Variants in ADAMTS18 observed in about 807,000 individuals in gnomAD.
ADAMTS18 encodes ADAM metallopeptidase with thrombospondin type 1 motif 18.
Under a neutral mutation model 165.9 loss-of-function variants are expected in ADAMTS18, and 157 were observed. The observed-to-expected ratio is 0.95, with a 90% CI of 0.83 to 1.08. The LOEUF is 1.08. Ranked by LOEUF, ADAMTS18 falls within the 50% of genes least tolerant of loss-of-function variation. The pLI is 0.00. For missense variants in ADAMTS18, 2,040 were observed against 1,534.0 expected (o/e 1.33, Z -5.51); for synonymous variants, 782 against 578.2 (o/e 1.35, Z -5.06).
chr16:77,362,394 G>A (rs2056728945), intron 6 of ADAMTS18, 130 bp from the exon 7 acceptor site: 5 of 957,402 alleles, frequency 5.2e-6, no homozygotes, highest in African/African-American at 1.6e-5. Flanking sequence ...TTGAGCTAAG[G>A]TAGGAGACAG....
intron 3 of ADAMTS18, among the ~76,000 whole-genome samples, chr16:77,406,901 G>A (rs375954096): frequency 3.4e-4 from 51 of 152,120 alleles, no homozygotes; most frequent in African/African-American, 9.4e-4. Context: ...GGTATATATG[G>A]ATATAAAGTA....
intron 3 of ADAMTS18, among the ~76,000 whole-genome samples, chr16:77,370,245 C>G (rs2056857226): frequency 6.6e-6 from 1 of 151,966 alleles, no homozygotes; most frequent in Admixed American, 6.6e-5. Context: ...AGCAATTAGG[C>G]AAGAGAAAGA....
intron 11 of ADAMTS18, among the ~76,000 whole-genome samples, chr16:77,339,146 A>G (rs1342143395): frequency 3.3e-5 from 5 of 151,046 alleles, no homozygotes; most frequent in Non-Finnish European, 5.9e-5. Context: ...TGAAACAAGT[A>G]AAACCAGGGC....
chr16:77,374,282 A>G (rs1325048729), intron 3 of ADAMTS18, among the ~76,000 whole-genome samples: 1 of 152,138 alleles, frequency 6.6e-6, no homozygotes, highest in Non-Finnish European at 1.5e-5. Flanking sequence ...GGTGATGCTG[A>G]AGGCATGCCA....
intron 13 of ADAMTS18, among the ~76,000 whole-genome samples, chr16:77,324,793 C>T (rs1486463687): frequency 1.3e-5 from 2 of 152,182 alleles, no homozygotes; most frequent in Non-Finnish European, 2.9e-5. Flanking sequence ...TATTCAATAG[C>T]TCTTTGAAGT....
chr16:77,418,594 A>G lies in ADAMTS18; in HGVS notation c.495+12701T>C, dbSNP rs117991614. Among the ~76,000 whole-genome samples the G allele has an allele frequency of 5.1e-3, 777 of 152,332 alleles. 4 individuals are homozygous for G. The highest frequency in any genetic ancestry group is 6.8e-3 in the Middle Eastern group (2 of 294). ...TAGAAAGAATTATCCATTCTAACAC[A>G]TCACCAATGCCCGACTGAGAAACCC... On this transcript the variant is annotated intron_variant, in intron 3 of 22. Coordinates refer to ENST00000282849, the MANE Select transcript of ADAMTS18 (RefSeq NM_199355.4).
rs568228671 is a variant in ADAMTS18, at chr16:77,358,516, C to T, written c.1322+802G>A. ...GGCGGAGGTTGCAGCGAGCCGAGATCGTGCCACTGCACTCCAGCCGGGGCG... is the reference window on the plus strand; with the variant it reads ...GGCGGAGGTTGCAGCGAGCCGAGATTGTGCCACTGCACTCCAGCCGGGGCG... On this transcript the variant is annotated intron_variant, in intron 8 of 22. Coordinates refer to ENST00000282849, the MANE Select transcript of ADAMTS18 (RefSeq NM_199355.4). Among the ~76,000 whole-genome samples the T allele has an allele frequency of 7.2e-5, 11 of 152,156 alleles. No individual in the cohort carries two copies. In the East Asian group the frequency reaches 1.2e-3, roughly 16 times the overall value.
rs769866607 is a variant in ADAMTS18, at chr16:77,367,714, T to C, written c.505A>G (p.Ile169Val). Residue 169 changes from isoleucine (I) to valine (V), a missense_variant, in exon 4 of 23, where the codon ATA (isoleucine) becomes GTA (valine). Coordinates refer to ENST00000282849, the MANE Select transcript of ADAMTS18 (RefSeq NM_199355.4). ...AGGAATTCATTTTTTCGTGTCCTTA[T>C]TAAACCTGACTAAAAAGCCAAACAC... ...VSTCAGLSGL[I>V]RTRKNEFLIS... The C allele has an allele frequency of 3.1e-6, 5 of 1,614,060 alleles. No individual in the cohort carries two copies. In the African/African-American group the frequency reaches 4.0e-5, roughly 13 times the overall value.
At chr16:77,364,737 AAAGAAAGAAAAGAAAAG>A (rs1483756208) in intron 4 of ADAMTS18, among the ~76,000 whole-genome samples, 1 of 125,878 alleles carries the variant, frequency 7.9e-6, no homozygotes, top group East Asian at 3.1e-4. Flanking sequence ...AAAAAAAAAG[AAAGAAAGAAAAGAAAAG>A]AAGAAAGAAA....
At chr16:77,392,867 G>C (rs1039106474) in intron 3 of ADAMTS18, among the ~76,000 whole-genome samples, 1 of 152,120 alleles carries the variant, frequency 6.6e-6, no homozygotes, top group Non-Finnish European at 1.5e-5. Flanking sequence ...AAATGAGAAG[G>C]CGTAAATGGC....
chr16:77,434,383 A>G, intron 2 of ADAMTS18, 35 bp downstream of exon 2: 1 of 1,548,814 alleles, frequency 6.5e-7, no homozygotes, highest in East Asian at 2.4e-5. Flanking sequence ...AGTGCTGCGA[A>G]AGGCCCTTCT....
intron 22 of ADAMTS18, among the ~76,000 whole-genome samples, chr16:77,286,249 A>T (rs2055248499): frequency 6.6e-6 from 1 of 152,152 alleles, no homozygotes; most frequent in Non-Finnish European, 1.5e-5. Context: ...GTGCTAAATA[A>T]TCAAGTGGTC....
chr16:77,337,572 C>G (rs1296002591), intron 11 of ADAMTS18, among the ~76,000 whole-genome samples: 2 of 152,194 alleles, frequency 1.3e-5, no homozygotes, highest in African/African-American at 4.8e-5. Flanking sequence ...AGCCAGAACT[C>G]CTAAGCAGGA....
At chr16:77,385,263 C>A (rs1352831006) in intron 3 of ADAMTS18, among the ~76,000 whole-genome samples, 1 of 152,136 alleles carries the variant, frequency 6.6e-6, no homozygotes, top group East Asian at 1.9e-4. Context: ...AAGTCTAACT[C>A]CTTTGCTATT....
chr16:77,400,933 CA>C (rs142690105), intron 3 of ADAMTS18, among the ~76,000 whole-genome samples: 22,541 of 151,858 alleles, frequency 0.15, 2,375 homozygotes, highest in African/African-American at 0.3. Context: ...TACCTGCACC[CA>C]AAATTCTTAT....
chr16:77,414,111 T>TTTTGGA (rs2057499967), intron 3 of ADAMTS18, among the ~76,000 whole-genome samples: 1 of 152,204 alleles, frequency 6.6e-6, no homozygotes, highest in Non-Finnish European at 1.5e-5. Flanking sequence ...AAGTATATAA[T>TTTTGGA]GGCCAAGTGC....
At chr16:77,382,808 T>C (rs1427278552) in intron 3 of ADAMTS18, among the ~76,000 whole-genome samples, 2 of 152,232 alleles carry the variant, frequency 1.3e-5, no homozygotes, top group Non-Finnish European at 1.5e-5. Flanking sequence ...CATGGGAACA[T>C]GCAGCCAACC....
intron 22 of ADAMTS18, 105 bp from the exon 23 acceptor site, chr16:77,284,176 AGTGGT>A: frequency 2.7e-6 from 2 of 740,066 alleles, no homozygotes; most frequent in Non-Finnish European, 2.3e-6. Context: ...GCTGGAGTGC[AGTGGT>A]GTGGTGTGAT....
intron 10 of ADAMTS18, among the ~76,000 whole-genome samples, chr16:77,345,065 A>AT (rs1188272542): frequency 1.3e-5 from 2 of 152,062 alleles, no homozygotes; most frequent in African/African-American, 2.4e-5. Flanking sequence ...CCTGCATATG[A>AT]TTTTTTTAAA....
Sources: allele counts gnomAD v4.1 joint callset (sites outside exome capture counted in the v4.1 genomes callset), GRCh38; gene constraint gnomAD v4.1.1; transcripts MANE v1.5; gene names NCBI Gene and HGNC (gene_info 2026-07-23, HGNC 2026-07-21).